Variants in FLT1 observed in about 807,000 individuals in gnomAD.
FLT1 encodes fms related receptor tyrosine kinase 1, also known as vascular endothelial growth factor receptor 1.
In FLT1, 49 loss-of-function variants were observed where a neutral mutation model predicts 156.3. The ratio of observed to expected loss-of-function variants is 0.31; its 90% CI spans 0.25 to 0.40. The LOEUF (loss-of-function observed/expected upper bound fraction) is 0.40, where lower values mean the gene tolerates loss of function less well. Among genes scored for constraint, FLT1 ranks in the 10% least tolerant of loss-of-function variants. The probability of loss-of-function intolerance (pLI) is 1.00; values close to 1 mark genes in which losing one functional copy is unlikely to be tolerated. For synonymous variants in FLT1, 594 were observed against 583.8 expected (o/e 1.02, Z -0.25); for missense variants, 1,322 against 1,637.2 (o/e 0.81, Z 3.32).
chr13:28,416,716 C>T (rs1271454880), intron 10 of FLT1, among the ~76,000 whole-genome samples: 1 of 152,224 alleles, frequency 6.6e-6, no homozygotes, highest in Non-Finnish European at 1.5e-5. Flanking sequence ...TATACAGCCT[C>T]TATCAGCCAC....
At chr13:28,335,303 A>G (rs1042441179) in intron 17 of FLT1, among the ~76,000 whole-genome samples, 1 of 152,188 alleles carries the variant, frequency 6.6e-6, no homozygotes, top group Non-Finnish European at 1.5e-5. Flanking sequence ...CCTGGCAGTT[A>G]GAGTGTTAAT....
chr13:28,427,756 G>A lies in FLT1; in HGVS notation c.1272C>T (p.Val424=). 1.2e-6 allele frequency: 2 copies of A among 1,613,548 alleles called. No individual in the cohort carries two copies. Residue 424 remains valine (V), a synonymous_variant, in exon 9 of 30, where the codon GTC becomes GTT. Coordinates refer to ENST00000282397, the MANE Select transcript of FLT1 (RefSeq NM_002019.4). ...AAGTATGAACAGCAAACTTACCATTGACAATTAGAGTGGCAGTGAGGTTTT... is the reference window on the plus strand; with the variant it reads ...AAGTATGAACAGCAAACTTACCATTAACAATTAGAGTGGCAGTGAGGTTTT... ...VFKNLTATLI[V]NVKPQIYEKA... is the part of the protein sequence containing the mutation.
At chr13:28,323,685 G>T (rs946913378) in intron 20 of FLT1, among the ~76,000 whole-genome samples, 1 of 151,268 alleles carries the variant, frequency 6.6e-6, no homozygotes, top group Admixed American at 6.6e-5. Context: ...TTGAACCCAG[G>T]ATTGGTCGAT....
chr13:28,303,501 C>G (rs572569356), intron 29 of FLT1, 133 bp from the exon 30 acceptor site: 32 of 776,092 alleles, frequency 4.1e-5, no homozygotes, highest in African/African-American at 2.1e-4. Flanking sequence ...AACCCCCCCC[C>G]CCTCAATTGC....
chr13:28,449,274 GA>G (rs966077759), intron 3 of FLT1, among the ~76,000 whole-genome samples: 10 of 151,270 alleles, frequency 6.6e-5, no homozygotes, highest in Non-Finnish European at 1.3e-4. Context: ...CTGTCTCTAA[GA>G]AAAAAAAATG....
At position 28,466,811 on chromosome 13, in the gene FLT1, A is replaced by G. The variant is rs944072167; in HGVS notation, c.388+92T>C. ...TTCCTAACCCGTTTCTTTCATACTCACTAGGAAAGCAACCTTTCCAATGGA... is the reference window on the plus strand; with the variant it reads ...TTCCTAACCCGTTTCTTTCATACTCGCTAGGAAAGCAACCTTTCCAATGGA... On this transcript the variant is annotated intron_variant, in intron 3 of 29. Transcript: ENST00000282397. 4 of 878,542 alleles carry G rather than the reference A, an allele frequency of 4.6e-6. No homozygotes were observed. The African/African-American group carries it at 5.0e-5, about 11-fold the overall frequency. The allele number at this position is 878,542 out of a possible 1,614,324, so 54.4% of individuals were successfully genotyped here.
intron 12 of FLT1, among the ~76,000 whole-genome samples, chr13:28,394,932 G>A (rs1874951781): frequency 6.6e-6 from 1 of 152,198 alleles, no homozygotes; most frequent in Non-Finnish European, 1.5e-5. Context: ...CCAGGCAGTG[G>A]CCAAAGGAGA....
chr13:28,331,720 C>G (rs987707315), intron 18 of FLT1, among the ~76,000 whole-genome samples: 4 of 152,186 alleles, frequency 2.6e-5, no homozygotes, highest in Non-Finnish European at 4.4e-5. Context: ...TGAGCCATCA[C>G]GCCGGGCCAT....
chr13:28,373,038 A>AT (rs1359258973), intron 14 of FLT1, among the ~76,000 whole-genome samples: 1 of 152,178 alleles, frequency 6.6e-6, no homozygotes, highest in Admixed American at 6.5e-5. Context: ...AATATTGACT[A>AT]TGTTAGAATG....
intron 1 of FLT1, among the ~76,000 whole-genome samples, chr13:28,469,878 T>C (rs646347): frequency 0.24 from 36,091 of 151,894 alleles, 5,822 homozygotes; most frequent in African/African-American, 0.44. Flanking sequence ...CTCAGCCTCC[T>C]GAGTAGCTGG....
intron 1 of FLT1, among the ~76,000 whole-genome samples, chr13:28,494,336 G>A (rs1233473408): frequency 1.3e-5 from 2 of 152,192 alleles, no homozygotes; most frequent in African/African-American, 4.8e-5. Context: ...GGGCAGCCTG[G>A]CAGGCTTTCA....
Position 28,303,009 on chromosome 13 carries a change from CAA to C in FLT1, c.*156_*157del, listed in dbSNP as rs58778671. 4.6e-3 allele frequency: 2,492 copies of C among 539,006 alleles called. No individual in the cohort carries two copies. The highest frequency in any genetic ancestry group is 7.2e-3 in the South Asian group (307 of 42,720). The allele number at this position is 539,006 out of a possible 1,614,324, so 33.4% of individuals were successfully genotyped here. A position where few individuals can be genotyped will look rare whatever the true frequency, so the allele number is the denominator to read the frequency against. Reference sequence around the variant, plus strand: ...TATCTGGAGTTACATTCTTGTTAGTCAAAAAAAAAAAAGCACTATTAAAAAAA... The same window carrying C: ...TATCTGGAGTTACATTCTTGTTAGTCAAAAAAAAAAGCACTATTAAAAAAA... On this transcript the variant is annotated 3_prime_UTR_variant, in exon 30 of 30. Transcript: ENST00000282397.
Position 28,430,114 on chromosome 13 carries a change from C to T in FLT1, c.1042G>A (p.Ala348Thr), listed in dbSNP as rs1412060347. 6.2e-7 allele frequency: 1 copy of T among 1,614,024 alleles called. No homozygotes were observed. Among genetic ancestry groups the T allele is most frequent in the Non-Finnish European group, 8.5e-7 (1 of 1,179,900 alleles). ...GAGAGCCGGTAAGACCGCTTGCCAGCTACGGTTTCAAGCACCTGCTGTTTT... is the reference window on the plus strand; with the variant it reads ...GAGAGCCGGTAAGACCGCTTGCCAGTTACGGTTTCAAGCACCTGCTGTTTT... ...HRKQQVLETV[A>T]GKRSYRLSMK... is the part of the protein sequence containing the mutation. Residue 348 changes from alanine to threonine, a missense_variant, in exon 8 of 30, where the codon GCT becomes ACT. This residue lies in a region of FLT1 where 991 missense variants were observed against 1,254.8 expected (regional missense o/e 0.79). Coordinates refer to ENST00000282397, the MANE Select transcript of FLT1 (RefSeq NM_002019.4).
intron 14 of FLT1, among the ~76,000 whole-genome samples, chr13:28,364,127 AT>A (rs1873207075): frequency 1.3e-5 from 2 of 152,160 alleles, no homozygotes; most frequent in Non-Finnish European, 2.9e-5. Flanking sequence ...TGGGATGCTA[AT>A]TCTTTGTTGG....
rs199779462 is a variant in FLT1 at position 28,303,228 on chromosome 13, G to A, written c.3956C>T (p.Ala1319Val). 90 of 1,613,514 alleles carry A rather than the reference G, an allele frequency of 5.6e-5. No homozygotes were observed. Among genetic ancestry groups the A allele is most frequent in the Non-Finnish European group, 6.6e-5 (78 of 1,179,982 alleles). ...GTAGTCTGGGGGCGGGGAGCAGCAC[G>A]CGATTTTCCTTTCCAGCTCAGCGTG... ...YDHAELERKI[A>V]CCSPPPDYNS... Residue 1319 changes from alanine (A) to valine (V), a missense_variant, in exon 30 of 30, where the codon GCG (alanine) becomes GTG (valine). Coordinates refer to ENST00000282397, the MANE Select transcript of FLT1 (RefSeq NM_002019.4).
At chr13:28,470,836 G>GTGTTCTCTTTAAATAAACAATTA (rs1880129062) in intron 1 of FLT1, among the ~76,000 whole-genome samples, 1 of 152,056 alleles carries the variant, frequency 6.6e-6, no homozygotes, top group Non-Finnish European at 1.5e-5. Flanking sequence ...GATTACAGGC[G>GTGTTCTCTTTAAATAAACAATTA]CCTGCCACCA....
intron 11 of FLT1, among the ~76,000 whole-genome samples, chr13:28,402,620 T>C (rs992758436): frequency 3.9e-5 from 6 of 151,932 alleles, no homozygotes; most frequent in Admixed American, 1.3e-4. Context: ...GTATTAAAAG[T>C]TTTTTCAGTG....
rs1170246851 is a variant in FLT1, at chr13:28,300,531, A to C, written c.*2636T>G. On this transcript the variant is annotated 3_prime_UTR_variant, in exon 30 of 30. Coordinates refer to ENST00000282397, the MANE Select transcript of FLT1 (RefSeq NM_002019.4). Reference sequence around the variant, plus strand: ...AAAACACACATACACCCACACACACACACACACACACACACACACACACAC... The same window carrying C: ...AAAACACACATACACCCACACACACCCACACACACACACACACACACACAC... The C allele has an allele frequency of 4.9e-6, 1 of 203,458 alleles. No homozygotes were observed. Among genetic ancestry groups the C allele is most frequent in the African/African-American group, 2.3e-5 (1 of 44,300 alleles). 12.6% of individuals were successfully genotyped at this position (203,458 alleles called of 1,614,324 possible).
intron 1 of FLT1, among the ~76,000 whole-genome samples, chr13:28,489,753 A>G (rs1241480554): frequency 6.6e-6 from 1 of 152,166 alleles, no homozygotes; most frequent in Non-Finnish European, 1.5e-5. Context: ...TGTGGAGAGA[A>G]GTGGCGAAAG....
Sources: allele counts gnomAD v4.1 joint callset (sites outside exome capture counted in the v4.1 genomes callset), GRCh38; gene constraint gnomAD v4.1.1; regional missense constraint gnomAD v4.1.1; transcripts MANE v1.5; gene names NCBI Gene and HGNC (gene_info 2026-07-23, HGNC 2026-07-21).